Variants in EYS observed in about 807,000 individuals in gnomAD.
EYS encodes EGF-like photoreceptor maintenance factor.
A neutral mutation model predicts 282.1 loss-of-function variants in EYS; 250 were observed. That is an observed-to-expected ratio of 0.89 (90% CI 0.80 to 0.98). EYS has a LOEUF of 0.98. Among genes scored for constraint, EYS ranks in the 50% least tolerant of loss-of-function variants. The probability of loss-of-function intolerance (pLI) is 0.00; values close to 1 mark genes in which losing one functional copy is unlikely to be tolerated. For synonymous variants in EYS, 1,355 were observed against 1,282.9 expected (o/e 1.06, Z -1.20); for missense variants, 4,016 against 3,709.0 (o/e 1.08, Z -2.15).
chr6:64,370,721 A>G (rs897007692), intron 29 of EYS, among the ~76,000 whole-genome samples: 1 of 151,780 alleles, frequency 6.6e-6, no homozygotes, highest in Non-Finnish European at 1.5e-5. Context: ...CTGTTCAGGG[A>G]TTCAATCTCT....
At chr6:64,807,812 T>A (rs1430562302) in intron 22 of EYS, among the ~76,000 whole-genome samples, 1 of 152,150 alleles carries the variant, frequency 6.6e-6, no homozygotes, top group Non-Finnish European at 1.5e-5. Flanking sequence ...AAAGAAATAC[T>A]AACTTATTTT....
chr6:65,458,992 A>C (rs527286281), intron 5 of EYS, among the ~76,000 whole-genome samples: 1 of 152,264 alleles, frequency 6.6e-6, no homozygotes. Flanking sequence ...AAAAAATTTA[A>C]TTAAAAAGTA....
At chr6:65,480,515 C>T (rs1358820756) in intron 5 of EYS, among the ~76,000 whole-genome samples, 1 of 151,970 alleles carries the variant, frequency 6.6e-6, no homozygotes, top group Non-Finnish European at 1.5e-5. Flanking sequence ...CTGCCATTTC[C>T]TCAAATGGTA....
chr6:64,088,442 C>A (rs1772234571), intron 31 of EYS, among the ~76,000 whole-genome samples: 1 of 151,768 alleles, frequency 6.6e-6, no homozygotes, highest in Non-Finnish European at 1.5e-5. Flanking sequence ...ACTTATCAAA[C>A]TAATTATATT....
intron 18 of EYS, among the ~76,000 whole-genome samples, chr6:64,899,431 G>C (rs1767578752): frequency 6.6e-6 from 1 of 152,092 alleles, no homozygotes; most frequent in Non-Finnish European, 1.5e-5. Flanking sequence ...GGTTATCTCT[G>C]TTTGCAAATG....
intron 11 of EYS, among the ~76,000 whole-genome samples, chr6:65,328,664 T>C (rs1317821087): frequency 1.3e-5 from 2 of 150,972 alleles, no homozygotes; most frequent in African/African-American, 4.8e-5. Flanking sequence ...GTGAATAATA[T>C]GATAGAAAGT....
intron 26 of EYS, among the ~76,000 whole-genome samples, chr6:64,452,840 C>T (rs1360348284): frequency 1.3e-5 from 2 of 152,144 alleles, no homozygotes; most frequent in Non-Finnish European, 2.9e-5. Context: ...CTTCCTTATA[C>T]CTTATACAAA....
At chr6:64,459,498 A>G (rs2150483828) in intron 26 of EYS, among the ~76,000 whole-genome samples, 1 of 152,328 alleles carries the variant, frequency 6.6e-6, no homozygotes, top group East Asian at 1.9e-4. Flanking sequence ...AAGTACCACA[A>G]TAGGCCATCT....
intron 29 of EYS, among the ~76,000 whole-genome samples, chr6:64,352,356 C>T (rs185111980): frequency 4.6e-4 from 70 of 151,542 alleles, no homozygotes; most frequent in African/African-American, 1.1e-3. Flanking sequence ...AGTTAATATA[C>T]GCAAAATATT....
intron 19 of EYS, among the ~76,000 whole-genome samples, chr6:64,846,425 T>A (rs566092361): frequency 6.6e-6 from 1 of 152,228 alleles, no homozygotes; most frequent in East Asian, 1.9e-4. Context: ...AGATTGAGGT[T>A]GCACATTAGT....
chr6:63,926,005 TG>T (rs1211969717), intron 35 of EYS, among the ~76,000 whole-genome samples: 1 of 145,152 alleles, frequency 6.9e-6, no homozygotes, highest in African/African-American at 2.5e-5. Flanking sequence ...CTCCCACCCC[TG>T]GGCCCACCCC....
chr6:64,327,441 G>A (rs924168555), intron 29 of EYS, among the ~76,000 whole-genome samples: 1 of 152,148 alleles, frequency 6.6e-6, no homozygotes, highest in Admixed American at 6.6e-5. Flanking sequence ...CACAGAAACT[G>A]AGGACCCTTT....
chr6:64,235,869 C>T (rs1343537250), intron 30 of EYS, among the ~76,000 whole-genome samples: 1 of 152,132 alleles, frequency 6.6e-6, no homozygotes, highest in Non-Finnish European at 1.5e-5. Flanking sequence ...ACCAGATGGA[C>T]TCACAGCCGA....
intron 2 of EYS, among the ~76,000 whole-genome samples, chr6:65,506,516 T>C (rs77234395): frequency 0.034 from 4,139 of 122,712 alleles, 176 homozygotes; most frequent in African/African-American, 0.096. Flanking sequence ...AGTCTTGCTG[T>C]TGCCAAGGCT....
chr6:65,232,645 A>G (rs1236990002), intron 12 of EYS, among the ~76,000 whole-genome samples: 2 of 152,124 alleles, frequency 1.3e-5, no homozygotes, highest in African/African-American at 4.8e-5. Context: ...TAATGAAAAT[A>G]GTGATTTATT....
intron 2 of EYS, among the ~76,000 whole-genome samples, chr6:65,506,879 A>T (rs1766679714): frequency 6.6e-6 from 1 of 152,098 alleles, no homozygotes; most frequent in Non-Finnish European, 1.5e-5. Flanking sequence ...ATCTCTCCTG[A>T]TCTTTCTGAC....
chr6:64,758,829 T>A (rs928946238), intron 22 of EYS, among the ~76,000 whole-genome samples: 3 of 152,160 alleles, frequency 2.0e-5, no homozygotes, highest in African/African-American at 7.2e-5. Flanking sequence ...TAAAACTCTA[T>A]CACCAATGAT....
chr6:64,770,634 G>C (rs1025530191), intron 22 of EYS, among the ~76,000 whole-genome samples: 1 of 151,796 alleles, frequency 6.6e-6, no homozygotes, highest in African/African-American at 2.4e-5. Context: ...CTTTACAGTA[G>C]GTGAGTTTGG....
chr6:64,782,009 C>T (rs57909245), intron 22 of EYS, among the ~76,000 whole-genome samples: 3,192 of 152,220 alleles, frequency 0.021, 106 homozygotes, highest in African/African-American at 0.072. Flanking sequence ...CATTTAACTT[C>T]TTTGGGCCTC....
Sources: allele counts gnomAD v4.1 joint callset (sites outside exome capture counted in the v4.1 genomes callset), GRCh38; gene constraint gnomAD v4.1.1; transcripts MANE v1.5; gene names NCBI Gene and HGNC (gene_info 2026-07-23, HGNC 2026-07-21).